The following MSX2 variants were observed in gnomAD, a reference collection of about 807,000 sequenced individuals.
MSX2 encodes the protein homeobox protein MSX-2.
In MSX2, 10 loss-of-function variants were observed where a neutral mutation model predicts 18.4. The observed-to-expected ratio is 0.54, with a 90% CI of 0.34 to 0.92. MSX2 has a LOEUF of 0.92. Among genes scored for constraint, MSX2 ranks in the 40% least tolerant of loss-of-function variants. MSX2 has a pLI of 0.02. For synonymous variants in MSX2, 170 were observed against 165.6 expected, an observed-to-expected ratio of 1.03 and a Z score of -0.20; for missense variants, 339 against 364.0, an observed-to-expected ratio of 0.93 and a Z score of 0.56.
Position 174,724,810 on chromosome 5 carries a change from G to T in MSX2, c.151G>T (p.Ala51Ser). 1.3e-6 allele frequency: 2 copies of T among 1,552,030 alleles called. No homozygotes were observed. The highest frequency in any genetic ancestry group is 2.4e-5 in the South Asian group (2 of 84,366). ...CTCCAGCCTGCCCTTCAGCGTGGAG[G>T]CGCTCATGTCCGACAAGAAGCCGCC... ...KVSSLPFSVE[A>S]LMSDKKPPKE... Residue 51 changes from alanine to serine, a missense_variant, in exon 1 of 2, where the codon GCG (alanine) becomes TCG (serine). Coordinates refer to ENST00000239243, the MANE Select transcript of MSX2 (RefSeq NM_002449.5).
chr5:174,728,366 C>T (rs1224715630), intron 1 of MSX2, among the ~76,000 whole-genome samples: 1 of 152,208 alleles, frequency 6.6e-6, no homozygotes, highest in African/African-American at 2.4e-5. Flanking sequence ...CCTTATCCCA[C>T]ATCCAGATCT....
intron 1 of MSX2, among the ~76,000 whole-genome samples, chr5:174,728,020 G>T (rs945374391): frequency 6.6e-6 from 1 of 152,004 alleles, no homozygotes; most frequent in Non-Finnish European, 1.5e-5. Flanking sequence ...ATCCTCCTCC[G>T]CCCACCCACC....
intron 1 of MSX2, 40 bp downstream of exon 1, chr5:174,725,078 G>C: frequency 2.5e-6 from 4 of 1,604,418 alleles, no homozygotes; most frequent in East Asian, 4.5e-5. Context: ...GTAGCGCGGG[G>C]TACTGGAGGG....
rs1376943163 is a variant in MSX2, at chr5:174,730,731, C to G, written c.*1148C>G. The G allele has an allele frequency of 6.6e-6, 1 of 152,528 alleles. No homozygotes were observed. Among genetic ancestry groups the G allele is most frequent in the Admixed American group, 6.6e-5 (1 of 15,262 alleles). 9.4% of individuals were successfully genotyped at this position (152,528 alleles called of 1,614,324 possible). The stretch of plus-strand genomic sequence containing the variant: ...GGATTGTCAAACAGCCCATTAAGTT[C>G]CCTGGTATTTCACCTTCCTGTCCAT... On this transcript the variant is annotated 3_prime_UTR_variant, in exon 2 of 2. Coordinates refer to ENST00000239243, the MANE Select transcript of MSX2 (RefSeq NM_002449.5).
intron 1 of MSX2, among the ~76,000 whole-genome samples, chr5:174,728,261 G>A (rs1760847003): frequency 6.6e-6 from 1 of 152,172 alleles, no homozygotes; most frequent in Non-Finnish European, 1.5e-5. Context: ...CAATTTGGAG[G>A]CAGCATGATT....
chr5:174,725,196 T>C (rs1282749683), intron 1 of MSX2, 158 bp downstream of exon 1: 2 of 1,213,650 alleles, frequency 1.6e-6, no homozygotes, highest in Non-Finnish European at 2.2e-6. Flanking sequence ...GCCCGGGGCG[T>C]TCGGCGCGCC....
intron 1 of MSX2, among the ~76,000 whole-genome samples, chr5:174,725,441 AGTGAGCACTTGGAT>A (rs1760770505): frequency 1.3e-5 from 2 of 152,276 alleles, no homozygotes; most frequent in South Asian, 4.1e-4. Flanking sequence ...ATCCATGTTC[AGTGAGCACTTGGAT>A]GTACCAGGAA....
Position 174,724,608 on chromosome 5 carries a change from G to T in MSX2, c.-52G>T. ...CAGCAAAAAAGTTTGAGTCGCCGCT[G>T]CCGGGTTGCCAGCGGAGTCGCGCGT... On this transcript the variant is annotated 5_prime_UTR_variant, in exon 1 of 2. Coordinates refer to ENST00000239243, the MANE Select transcript of MSX2 (RefSeq NM_002449.5). The T allele has an allele frequency of 6.4e-7, 1 of 1,553,622 alleles. No individual in the cohort carries two copies. The highest frequency in any genetic ancestry group is 8.7e-7 in the Non-Finnish European group (1 of 1,148,908).
chr5:174,727,174 C>T (rs1581518679), intron 1 of MSX2, among the ~76,000 whole-genome samples: 1 of 152,206 alleles, frequency 6.6e-6, no homozygotes, highest in African/African-American at 2.4e-5. Context: ...GGCGACGGAG[C>T]CTGGGGCGAG....
Position 174,729,484 on chromosome 5 carries a change from A to G in MSX2, c.705A>G (p.Ile235Met). The G allele has an allele frequency of 5.6e-6, 9 of 1,613,856 alleles. No homozygotes were observed. The highest frequency in any genetic ancestry group is 6.8e-6 in the Non-Finnish European group (8 of 1,179,856). The change falls in exon 2 of 2, where the codon ATA (isoleucine) becomes ATG (methionine). Residue 235 changes from isoleucine to methionine, a missense_variant. Transcript: ENST00000239243. The part of the protein sequence containing the change: ...PISSPLQAAS[I>M]YGASYPFHRP... ...GCTCGCCCCTGCAGGCAGCGTCCAT[A>G]TATGGAGCATCCTACCCGTTCCATA...
intron 1 of MSX2, among the ~76,000 whole-genome samples, chr5:174,727,837 C>G (rs1760837109): frequency 2.0e-5 from 3 of 152,260 alleles, no homozygotes; most frequent in Non-Finnish European, 2.9e-5. Flanking sequence ...GTGTCACCCT[C>G]AAGTATGAAG....
In MSX2 at chr5:174,729,543, A is replaced by G. The variant is rs1227466459; in HGVS notation, c.764A>G (p.Tyr255Cys). The change falls in exon 2 of 2, where the codon TAT becomes TGT. Residue 255 changes from tyrosine (Y) to cysteine (C), a missense_variant. By Grantham distance (194) the Tyr-to-Cys change is radical. This residue lies in a region of MSX2 where 128 missense variants were observed against 178.6 expected (regional missense o/e 0.72). Coordinates refer to ENST00000239243, the MANE Select transcript of MSX2 (RefSeq NM_002449.5). ...PVLPIPPVGL[Y>C]ATPVGYGMYH... is the part of the protein sequence containing the mutation. ...CTTCCCATCCCGCCTGTGGGACTCT[A>G]TGCCACGCCAGTGGGATATGGCATG... The G allele has an allele frequency of 2.5e-6, 4 of 1,613,344 alleles. No homozygotes were observed. The highest frequency in any genetic ancestry group is 3.4e-6 in the Non-Finnish European group (4 of 1,179,854).
rs766231752 is a variant in MSX2, at chr5:174,724,619, A to G, written c.-41A>G. 8.3e-6 allele frequency: 13 copies of G among 1,562,212 alleles called. No homozygotes were observed. The highest frequency in any genetic ancestry group is 7.6e-5 in the Admixed American group (4 of 52,906). On this transcript the variant is annotated 5_prime_UTR_variant, in exon 1 of 2. Coordinates refer to ENST00000239243, the MANE Select transcript of MSX2 (RefSeq NM_002449.5). ...TTTGAGTCGCCGCTGCCGGGTTGCC[A>G]GCGGAGTCGCGCGTCGGGAGCTACG...
At chr5:174,726,487 C>G (rs1238238863) in intron 1 of MSX2, among the ~76,000 whole-genome samples, 1 of 151,668 alleles carries the variant, frequency 6.6e-6, no homozygotes, top group African/African-American at 2.4e-5. Flanking sequence ...GCACTTTTCA[C>G]CGTATTATCT....
In MSX2 at chr5:174,724,899, G is replaced by A; in HGVS notation, c.240G>A (p.Leu80=). The A allele has an allele frequency of 6.4e-7, 1 of 1,569,730 alleles. No homozygotes were observed. The highest frequency in any genetic ancestry group is 8.6e-7 in the Non-Finnish European group (1 of 1,158,596). ...CCGGGGCCACCCTGCGGCCACTGCTGCTGTCGGGGCACGGCGCTCGGGAAG... is the reference window on the plus strand; with the variant it reads ...CCGGGGCCACCCTGCGGCCACTGCTACTGTCGGGGCACGGCGCTCGGGAAG... ...ASAGATLRPL[L]LSGHGAREAH... The change falls in exon 1 of 2, where the codon CTG becomes CTA. Residue 80 remains leucine, a synonymous_variant. Transcript: ENST00000239243.
At chr5:174,728,222 G>A (rs1308934503) in intron 1 of MSX2, among the ~76,000 whole-genome samples, 1 of 152,140 alleles carries the variant, frequency 6.6e-6, no homozygotes, top group African/African-American at 2.4e-5. Flanking sequence ...ATGGGTAGAG[G>A]GGATGACTAA....
intron 1 of MSX2, among the ~76,000 whole-genome samples, chr5:174,726,606 A>AAT (rs1554097119): frequency 1.3e-5 from 2 of 151,020 alleles, no homozygotes; most frequent in African/African-American, 2.4e-5. Flanking sequence ...AAAAAAAAAA[A>AAT]GCTGGGGACC....
chr5:174,725,240 G>T (rs560408943), intron 1 of MSX2, among the ~76,000 whole-genome samples: 1 of 152,312 alleles, frequency 6.6e-6, no homozygotes, highest in East Asian at 1.9e-4. Flanking sequence ...CACCCTCTGG[G>T]TAATAACCGC....
intron 1 of MSX2, 105 bp downstream of exon 1, chr5:174,725,143 A>G (rs1053412672): frequency 2.1e-5 from 31 of 1,489,698 alleles, no homozygotes; most frequent in African/African-American, 4.2e-5. Flanking sequence ...TGCGTGCGCT[A>G]CACTCCCGGG....
Sources: gnomAD v4.1 joint callset for allele counts (sites outside exome capture counted in the v4.1 genomes callset) on GRCh38, gnomAD v4.1.1 for gene constraint, gnomAD v4.1.1 regional missense constraint, MANE v1.5 for transcripts, NCBI Gene and HGNC (gene_info 2026-07-23, HGNC 2026-07-21) for gene names.